Variants in RTL4 observed in about 807,000 individuals in gnomAD.
RTL4 encodes the protein retrotransposon Gag-like protein 4.
In RTL4, 4 loss-of-function variants were observed where a neutral mutation model predicts 5.3. The ratio of observed to expected loss-of-function variants is 0.75; its 90% CI spans 0.37 to 1.72. RTL4 has a LOEUF of 1.72. RTL4 is among the 40% of genes most tolerant of loss of function. The pLI is 0.04. For synonymous variants in RTL4, 98 were observed against 87.3 expected (o/e 1.12, Z -0.68); for missense variants, 260 against 227.1 (o/e 1.14, Z -0.93).
the RTL4 span, among the ~76,000 whole-genome samples, chrX:112,350,997 G>A: frequency 9.0e-6 from 1 of 111,004 alleles, no homozygotes; most frequent in Non-Finnish European, 1.9e-5. Context: ...TTCTCCTGTG[G>A]GCATTTAGTG....
chrX:112,122,569 G>A, the RTL4 span, among the ~76,000 whole-genome samples: 10 of 110,358 alleles, frequency 9.1e-5, no homozygotes. Context: ...AAAAATACTT[G>A]TACATTTTAA....
the RTL4 span, among the ~76,000 whole-genome samples, chrX:112,237,713 T>A: frequency 1.4e-4 from 16 of 112,508 alleles, no homozygotes; most frequent in East Asian, 4.5e-3. Flanking sequence ...TCTATTATAG[T>A]TCCTGTTTAA....
chrX:112,303,612 TG>T, the RTL4 span, among the ~76,000 whole-genome samples: 1 of 29,745 alleles, frequency 3.4e-5, no homozygotes, highest in African/African-American at 1.6e-4. Flanking sequence ...TGTTGTGGGG[TG>T]GGGGGAGGGG....
chrX:112,353,477 T>C, the RTL4 span, among the ~76,000 whole-genome samples: 2 of 111,294 alleles, frequency 1.8e-5, no homozygotes, highest in South Asian at 3.8e-4. Flanking sequence ...ATGTGGCACA[T>C]ATACACCATG....
At chrX:112,424,994 G>A in the RTL4 span, among the ~76,000 whole-genome samples, 1 of 110,862 alleles carries the variant, frequency 9.0e-6, no homozygotes, top group Non-Finnish European at 1.9e-5. Context: ...CATTCTATGT[G>A]TTTTGATAAA....
the RTL4 span, among the ~76,000 whole-genome samples, chrX:112,310,044 G>T: frequency 1.9e-5 from 2 of 105,148 alleles, no homozygotes; most frequent in African/African-American, 6.9e-5. Flanking sequence ...AACGAAGTGA[G>T]ATCCTGTCTT....
chrX:112,391,377 A>G, the RTL4 span, among the ~76,000 whole-genome samples: 1 of 111,513 alleles, frequency 9.0e-6, no homozygotes, highest in African/African-American at 3.3e-5. Context: ...TTTGGAGGAC[A>G]TACAACATTC....
At chrX:112,273,924 T>C in the RTL4 span, among the ~76,000 whole-genome samples, 1 of 112,201 alleles carries the variant, frequency 8.9e-6, no homozygotes, top group Non-Finnish European at 1.9e-5. Context: ...TCTCAACAAG[T>C]GTGAGCCACT....
chrX:112,241,465 T>C, the RTL4 span, among the ~76,000 whole-genome samples: 7 of 112,596 alleles, frequency 6.2e-5, no homozygotes, highest in African/African-American at 2.3e-4. Context: ...ATTTTTTTCA[T>C]GTGTCTGTTG....
chrX:112,147,171 C>T, the RTL4 span, among the ~76,000 whole-genome samples: 1 of 108,427 alleles, frequency 9.2e-6, no homozygotes, highest in East Asian at 2.9e-4. Flanking sequence ...TTTTCAGCAA[C>T]GATACCCTCT....
chrX:112,187,517 C>T, the RTL4 span, among the ~76,000 whole-genome samples: 1 of 111,543 alleles, frequency 9.0e-6, no homozygotes, highest in Non-Finnish European at 1.9e-5. Flanking sequence ...ACAAGATAAG[C>T]CTTCATTCTA....
chrX:112,449,950 A>G (rs1390711878), upstream of RTL4, among the ~76,000 whole-genome samples: 1 of 111,937 alleles, frequency 8.9e-6, no homozygotes, highest in African/African-American at 3.2e-5. Flanking sequence ...ACAAATCCAA[A>G]CAGTTTGCCC....
chrX:112,202,436 C>T, the RTL4 span, among the ~76,000 whole-genome samples: 1 of 110,513 alleles, frequency 9.0e-6, no homozygotes, highest in Admixed American at 9.7e-5. Context: ...GTATGGAAAT[C>T]TGTACAGGTT....
the RTL4 span, chrX:112,320,234 G>C: frequency 8.9e-6 from 1 of 112,049 alleles, no homozygotes; most frequent in Non-Finnish European, 1.9e-5. Context: ...TAAGCCTCTT[G>C]TGTTTCCTGA....
the RTL4 span, among the ~76,000 whole-genome samples, chrX:112,124,289 A>G: frequency 5.4e-3 from 600 of 112,030 alleles, 5 homozygotes; most frequent in African/African-American, 0.018. Flanking sequence ...AGAACCAGAA[A>G]TACCATTTAA....
At chrX:112,263,037 A>G in the RTL4 span, among the ~76,000 whole-genome samples, 1 of 76,822 alleles carries the variant, frequency 1.3e-5, no homozygotes, top group Admixed American at 1.9e-4. Flanking sequence ...GGAACATCAC[A>G]CACTGGGGCC....
At chrX:112,440,748 T>C in the RTL4 span, among the ~76,000 whole-genome samples, 5 of 111,855 alleles carry the variant, frequency 4.5e-5, no homozygotes, top group African/African-American at 1.6e-4. Context: ...TATTAGCCAG[T>C]AGGTAGACTA....
downstream of RTL4, among the ~76,000 whole-genome samples, chrX:112,457,305 C>T (rs1398337569): frequency 8.9e-6 from 1 of 112,121 alleles, no homozygotes; most frequent in Non-Finnish European, 1.9e-5. Flanking sequence ...CTTTTAACAA[C>T]GGCTCGCTGC....
At chrX:112,247,604 C>A in the RTL4 span, among the ~76,000 whole-genome samples, 1 of 112,153 alleles carries the variant, frequency 8.9e-6, no homozygotes, top group Non-Finnish European at 1.9e-5. Flanking sequence ...ATCTGTATTA[C>A]AGATGAGGAA....
Sources: gnomAD v4.1 joint callset for allele counts (sites outside exome capture counted in the v4.1 genomes callset) on GRCh38, gnomAD v4.1.1 for gene constraint, MANE v1.5 for transcripts, NCBI Gene and HGNC (gene_info 2026-07-23, HGNC 2026-07-21) for gene names.